Variants in CDH17 observed in about 807,000 individuals in gnomAD.
CDH17 encodes cadherin 17.
CDH17 carries 67 observed loss-of-function variants against 86.3 expected under a neutral mutation model. The ratio of observed to expected loss-of-function variants is 0.78; its 90% confidence interval spans 0.64 to 0.95. The LOEUF (loss-of-function observed/expected upper bound fraction) is 0.95. Ranked by LOEUF, CDH17 falls within the 40% of genes least tolerant of loss-of-function variation. CDH17 has a pLI of 0.00. For missense variants in CDH17, 993 were observed against 1,017.6 expected (o/e 0.98, Z 0.33); for synonymous variants, 367 against 366.4 (o/e 1.00, Z -0.02).
intron 13 of CDH17, 83 bp from the exon 14 acceptor site, chr8:94,148,957 G>A: frequency 2.6e-6 from 3 of 1,150,546 alleles, no homozygotes; most frequent in South Asian, 1.6e-5. Flanking sequence ...AACTAAATAT[G>A]TTTGTGCATC....
chr8:94,131,320 G>A (rs143615212), intron 15 of CDH17, among the ~76,000 whole-genome samples: 5 of 152,270 alleles, frequency 3.3e-5, no homozygotes, highest in Non-Finnish European at 7.3e-5. Context: ...GGAAAGACAG[G>A]GTTAGGTTTC....
chr8:94,153,923 G>C (rs1812902110), intron 12 of CDH17, among the ~76,000 whole-genome samples: 1 of 152,110 alleles, frequency 6.6e-6, no homozygotes, highest in Non-Finnish European at 1.5e-5. Flanking sequence ...GTAAAAGCAT[G>C]CAAAATTTCA....
At chr8:94,142,400 C>T (rs1812657398) in intron 15 of CDH17, among the ~76,000 whole-genome samples, 1 of 152,200 alleles carries the variant, frequency 6.6e-6, no homozygotes, top group Non-Finnish European at 1.5e-5. Flanking sequence ...TAATGATTAT[C>T]TGACCCTTCA....
At chr8:94,179,087 C>T (rs1766795422) in intron 3 of CDH17, among the ~76,000 whole-genome samples, 1 of 149,408 alleles carries the variant, frequency 6.7e-6, no homozygotes, top group South Asian at 2.1e-4. Context: ...TGTTTTAATG[C>T]ACCCTAATCC....
At chr8:94,205,857 G>A (rs1433309570) in intron 1 of CDH17, among the ~76,000 whole-genome samples, 5 of 152,164 alleles carry the variant, frequency 3.3e-5, no homozygotes, top group Admixed American at 3.3e-4. Context: ...GAGCGCTTGA[G>A]GAAGTGGTGT....
intron 13 of CDH17, among the ~76,000 whole-genome samples, 157 bp downstream of exon 13, chr8:94,151,711 C>T (rs914753788): frequency 6.6e-6 from 1 of 152,172 alleles, no homozygotes; most frequent in Non-Finnish European, 1.5e-5. Context: ...TTGGAATGCC[C>T]CCAGGGTGTT....
intron 15 of CDH17, among the ~76,000 whole-genome samples, chr8:94,142,562 T>G (rs540232576): frequency 4.3e-4 from 66 of 152,354 alleles, no homozygotes; most frequent in African/African-American, 1.5e-3. Flanking sequence ...GCCCTCTGTA[T>G]AGCATGTGAT....
rs112503601 is a variant in CDH17 at position 94,180,497 on chromosome 8, TAGAG to T, written c.151-2780_151-2777del. ...AGTCACATCATAAACATTTGAAAGATAGAGAATCTTAAAAGTGCATAGACTCATC... is the reference window on the plus strand; with the variant it reads ...AGTCACATCATAAACATTTGAAAGATAATCTTAAAAGTGCATAGACTCATC... On this transcript the variant is annotated intron_variant, in intron 3 of 17. Transcript: ENST00000027335. 3.2e-3 allele frequency among the ~76,000 whole-genome samples: 482 copies of T among 152,304 alleles called. 2 individuals are homozygous for T. Among genetic ancestry groups the T allele is most frequent in the African/African-American group, 0.011 (461 of 41,568 alleles).
chr8:94,154,085 CTAAT>C, intron 12 of CDH17, among the ~76,000 whole-genome samples: 1 of 152,294 alleles, frequency 6.6e-6, no homozygotes, highest in East Asian at 1.9e-4. Context: ...CTAGTTAGCT[CTAAT>C]TAGTCATTCT....
At chr8:94,135,099 TA>T (rs1812495529) in intron 15 of CDH17, among the ~76,000 whole-genome samples, 1 of 152,180 alleles carries the variant, frequency 6.6e-6, no homozygotes, top group Non-Finnish European at 1.5e-5. Flanking sequence ...AATTTTGGCA[TA>T]AGTGCTATGT....
At chr8:94,211,576 G>T (rs1197865666), upstream of CDH17, among the ~76,000 whole-genome samples, 1 of 152,162 alleles carries the variant, frequency 6.6e-6, no homozygotes, top group East Asian at 1.9e-4. Flanking sequence ...GCCTCCCAAA[G>T]TGCTGGGATT....
At chr8:94,197,095 G>A (rs769725326) in intron 1 of CDH17, 1 of 152,248 alleles carries the variant, frequency 6.6e-6, no homozygotes, top group Non-Finnish European at 1.5e-5. Context: ...AGGAGATAGA[G>A]CTAATCCGCT....
upstream of CDH17, among the ~76,000 whole-genome samples, chr8:94,211,312 TTTTA>T (rs2129673693): frequency 6.6e-6 from 1 of 151,874 alleles, no homozygotes; most frequent in East Asian, 1.9e-4. Flanking sequence ...TTCTTTTTTA[TTTTA>T]TTTTATTTAT....
intron 3 of CDH17, among the ~76,000 whole-genome samples, chr8:94,179,396 A>C (rs1458368575): frequency 1.3e-5 from 2 of 152,240 alleles, no homozygotes; most frequent in East Asian, 1.9e-4. Flanking sequence ...TGAAGCAAAG[A>C]AGCAGCTGAC....
intron 7 of CDH17, among the ~76,000 whole-genome samples, chr8:94,171,821 A>G (rs1794586730): frequency 6.6e-6 from 1 of 152,180 alleles, no homozygotes; most frequent in Non-Finnish European, 1.5e-5. Flanking sequence ...AACTATTCTC[A>G]GAGCAGCCTG....
At chr8:94,216,456 C>T (rs1430000764) in intron 1 of CDH17, among the ~76,000 whole-genome samples, 2 of 151,958 alleles carry the variant, frequency 1.3e-5, no homozygotes, top group Non-Finnish European at 2.9e-5. Flanking sequence ...AGGAGGCCGG[C>T]GGAGGACCCT....
At chr8:94,145,851 A>G (rs1812730476) in intron 15 of CDH17, 77 bp downstream of exon 15, 1 of 1,492,812 alleles carries the variant, frequency 6.7e-7, no homozygotes, top group Non-Finnish European at 9.1e-7. Context: ...TGCTGAGTAC[A>G]GCAAACCCAC....
intron 12 of CDH17, among the ~76,000 whole-genome samples, chr8:94,157,374 A>T (rs1812966957): frequency 6.6e-6 from 1 of 152,172 alleles, no homozygotes; most frequent in Non-Finnish European, 1.5e-5. Context: ...GGCTACATAC[A>T]TTTGTTATAT....
intron 9 of CDH17, among the ~76,000 whole-genome samples, chr8:94,166,459 T>C (rs939638227): frequency 6.6e-6 from 1 of 152,196 alleles, no homozygotes; most frequent in Admixed American, 6.5e-5. Flanking sequence ...ATAGTCACAT[T>C]CCGAGGTACT....
Sources: gnomAD v4.1 joint callset for allele counts (sites outside exome capture counted in the v4.1 genomes callset) on GRCh38, gnomAD v4.1.1 for gene constraint, MANE v1.5 for transcripts, NCBI Gene and HGNC (gene_info 2026-07-23, HGNC 2026-07-21) for gene names.